The following SLC12A2 variants were observed in gnomAD, a reference collection of about 807,000 sequenced individuals.
The protein encoded by SLC12A2 is Na-K-2Cl cotransporter 1.
SLC12A2 carries 67 observed loss-of-function variants against 136.3 expected under a neutral mutation model. The ratio of observed to expected loss-of-function variants is 0.49; its 90% CI spans 0.40 to 0.60. The LOEUF (loss-of-function observed/expected upper bound fraction) is 0.60, where lower values mean the gene tolerates loss of function less well. SLC12A2 is among the 20% of genes least tolerant of loss of function. The pLI is 0.00. For synonymous variants in SLC12A2, 619 were observed against 562.9 expected, an observed-to-expected ratio of 1.10 and a Z score of -1.41; for missense variants, 1,322 against 1,534.7, an observed-to-expected ratio of 0.86 and a Z score of 2.32.
intron 1 of SLC12A2, among the ~76,000 whole-genome samples, chr5:128,109,320 GCGGAAA>G (rs1761058668): frequency 6.6e-6 from 1 of 152,226 alleles, no homozygotes; most frequent in Non-Finnish European, 1.5e-5. Flanking sequence ...TCCTGGGGCG[GCGGAAA>G]CCCACGTGCC....
chr5:128,086,931 A>C (rs999388922), intron 1 of SLC12A2, among the ~76,000 whole-genome samples: 2 of 152,212 alleles, frequency 1.3e-5, no homozygotes, highest in Admixed American at 1.3e-4. Context: ...GAATTTTTAT[A>C]ACACCTAATT....
chr5:128,141,924 T>C lies in SLC12A2; in HGVS notation c.1716T>C (p.Phe572=), dbSNP rs1172791337. The C allele has an allele frequency of 1.2e-6, 2 of 1,613,926 alleles. No homozygotes were observed. Among genetic ancestry groups the C allele is most frequent in the South Asian group, 1.1e-5 (1 of 91,082 alleles). Residue 572 remains phenylalanine, a synonymous_variant, in exon 10 of 27, where the codon TTT becomes TTC. Transcript: ENST00000262461. ...CTTCTGCAGCCTGCAAATTAAACTT[T>C]GATTTTTCATCTTGTGAAAGCAGTC... ...NCTSAACKLN[F]DFSSCESSPC... is the part of the protein sequence containing the mutation.
In SLC12A2 at chr5:128,160,751, G is replaced by A. The variant is rs538582034; in HGVS notation, c.2476-909G>A. Among the ~76,000 whole-genome samples the A allele has an allele frequency of 1.2e-4, 19 of 152,074 alleles. No individual in the cohort carries two copies. The South Asian group carries it at 1.9e-3, about 15-fold the overall frequency. On this transcript the variant is annotated intron_variant, in intron 16 of 26. Transcript: ENST00000262461. ...TCTCTCAATTTCTGTTCTTCATCTT[G>A]TCTTGATTCTAGAAGTGTATATTGT...
intron 1 of SLC12A2, chr5:128,110,783 C>G: frequency 6.8e-7 from 1 of 1,469,230 alleles, no homozygotes; most frequent in Non-Finnish European, 9.5e-7. Context: ...AATGAAGAGG[C>G]CAAAAAGATA....
intron 5 of SLC12A2, among the ~76,000 whole-genome samples, chr5:128,132,740 A>G (rs373520061): frequency 6.6e-6 from 1 of 152,192 alleles, no homozygotes; most frequent in Non-Finnish European, 1.5e-5. Flanking sequence ...ACATGTTTAC[A>G]CCAAAGGGAT....
At chr5:128,179,068 C>T (rs778846780) in intron 22 of SLC12A2, among the ~76,000 whole-genome samples, 1 of 152,154 alleles carries the variant, frequency 6.6e-6, no homozygotes, top group Non-Finnish European at 1.5e-5. Context: ...TCAGGTGGCA[C>T]AGGATGTTGA....
At chr5:128,130,990 G>A in intron 4 of SLC12A2, 77 bp from the exon 5 acceptor site, 3 of 1,385,438 alleles carry the variant, frequency 2.2e-6, no homozygotes, top group Non-Finnish European at 3.1e-6. Context: ...GTGAATTCAT[G>A]TATAATTAAA....
At chr5:128,102,582 AC>A (rs34780928) in intron 1 of SLC12A2, among the ~76,000 whole-genome samples, 21,133 of 88,378 alleles carry the variant, frequency 0.24, 3,197 homozygotes, top group East Asian at 0.51. Flanking sequence ...TCTGTAATTC[AC>A]CCCCCCCCCC....
chr5:128,166,470 G>A (rs868685137), intron 17 of SLC12A2, among the ~76,000 whole-genome samples: 2 of 151,968 alleles, frequency 1.3e-5, no homozygotes, highest in African/African-American at 4.8e-5. Context: ...ATGTGTGTGT[G>A]TGTGTGTGTG....
intron 11 of SLC12A2, 89 bp downstream of exon 11, chr5:128,147,818 G>T: frequency 1.3e-6 from 1 of 771,200 alleles, no homozygotes; most frequent in Non-Finnish European, 2.2e-6. Context: ...CAAATTATTT[G>T]CTTCTATCAA....
chr5:128,111,943 T>G (rs1331565717), intron 1 of SLC12A2, among the ~76,000 whole-genome samples: 1 of 152,126 alleles, frequency 6.6e-6, no homozygotes, highest in African/African-American at 2.4e-5. Flanking sequence ...ATAGCCACAT[T>G]ATGTTCTCTG....
chr5:128,180,401 T>G (rs1028083770), intron 22 of SLC12A2, among the ~76,000 whole-genome samples: 10 of 152,180 alleles, frequency 6.6e-5, no homozygotes, highest in African/African-American at 2.2e-4. Flanking sequence ...ATCATAGTGT[T>G]TAGAAACAAA....
At chr5:128,174,475 C>A in intron 19 of SLC12A2, 66 bp from the exon 20 acceptor site, 2 of 1,189,676 alleles carry the variant, frequency 1.7e-6, no homozygotes, top group East Asian at 2.7e-5. Flanking sequence ...ATTACTAAAC[C>A]ATAATGCCTT....
At chr5:128,118,994 C>T (rs1023194327) in intron 4 of SLC12A2, among the ~76,000 whole-genome samples, 2 of 152,066 alleles carry the variant, frequency 1.3e-5, no homozygotes, top group African/African-American at 4.8e-5. Context: ...TGGTTTAAAA[C>T]AAACTTGGGA....
chr5:128,114,357 G>A, intron 3 of SLC12A2, 70 bp downstream of exon 3: 2 of 1,163,026 alleles, frequency 1.7e-6, no homozygotes, highest in Non-Finnish European at 2.5e-6. Flanking sequence ...TTAACCTCAT[G>A]AAACTCAAGA....
At chr5:128,182,144 A>G (rs2126759107) in intron 23 of SLC12A2, among the ~76,000 whole-genome samples, 1 of 152,270 alleles carries the variant, frequency 6.6e-6, no homozygotes, top group East Asian at 1.9e-4. Flanking sequence ...TGCAAGAAAT[A>G]CTAATAATAA....
In SLC12A2 at chr5:128,180,980, C is replaced by A; in HGVS notation, c.3198C>A (p.Asp1066Glu). The A allele has an allele frequency of 6.3e-7, 1 of 1,595,062 alleles. No individual in the cohort carries two copies. The highest frequency in any genetic ancestry group is 8.6e-7 in the Non-Finnish European group (1 of 1,163,256). Residue 1066 changes from aspartate to glutamate, a missense_variant, in exon 23 of 27, where the codon GAC becomes GAA. Physicochemically the swap from Asp to Glu is conservative, Grantham distance 45. Around this residue, in one of 8 missense-constraint regions of SLC12A2, gnomAD observed 172 missense variants for 227.4 expected, o/e 0.76. Coordinates refer to ENST00000262461, the MANE Select transcript of SLC12A2 (RefSeq NM_001046.3). ...VFIGGKINRI[D>E]HDRRAMATLL... ...TTGGTGGAAAGATAAACAGAATAGA[C>A]CATGACCGGAGAGCGTAAGTTTATT...
Position 128,152,791 on chromosome 5 carries a change from C to T in SLC12A2, c.2349C>T (p.His783=), listed in dbSNP as rs778024640. 2.2e-5 allele frequency: 35 copies of T among 1,608,106 alleles called. No homozygotes were observed. The highest frequency in any genetic ancestry group is 5.0e-5 in the Admixed American group (3 of 59,982). Residue 783 remains histidine, a synonymous_variant, in exon 15 of 27, where the codon CAC becomes CAT. Coordinates refer to ENST00000262461, the MANE Select transcript of SLC12A2 (RefSeq NM_001046.3). The part of the protein sequence containing the change: ...HSIRLSGVED[H]VKNFRPQCLV... ...TTCGTCTTTCTGGAGTGGAAGACCACGTGAAAAACTTTAGGTAAGTGATAA... is the reference window on the plus strand; with the variant it reads ...TTCGTCTTTCTGGAGTGGAAGACCATGTGAAAAACTTTAGGTAAGTGATAA...
chr5:128,094,576 C>A (rs562999131), intron 1 of SLC12A2, among the ~76,000 whole-genome samples: 14 of 151,646 alleles, frequency 9.2e-5, no homozygotes, highest in African/African-American at 2.4e-4. Context: ...ATACTCATGA[C>A]AAATGTTTTT....
Sources: allele counts gnomAD v4.1 joint callset (sites outside exome capture counted in the v4.1 genomes callset), GRCh38; gene constraint gnomAD v4.1.1; regional missense constraint gnomAD v4.1.1; transcripts MANE v1.5; gene names NCBI Gene and HGNC (gene_info 2026-07-23, HGNC 2026-07-21).